MICAL2: variants seen among roughly 807,000 people sequenced by gnomAD.
MICAL2 encodes the protein [F-actin]-monooxygenase MICAL2.
Under a neutral mutation model 127.3 loss-of-function variants are expected in MICAL2, and 77 were observed. That is an observed-to-expected ratio of 0.60 (90% CI 0.50 to 0.73). The LOEUF (loss-of-function observed/expected upper bound fraction) is 0.73. Among genes scored for constraint, MICAL2 ranks in the 30% least tolerant of loss-of-function variants. The pLI is 0.00. For missense variants in MICAL2, 1,351 were observed against 1,434.4 expected, an observed-to-expected ratio of 0.94 and a Z score of 0.94; for synonymous variants, 570 against 551.1, an observed-to-expected ratio of 1.03 and a Z score of -0.48.
At chr11:12,283,805 CAG>C (rs1182845834) in intron 2 of MICAL2, among the ~76,000 whole-genome samples, 2 of 152,234 alleles carry the variant, frequency 1.3e-5, no homozygotes, top group Non-Finnish European at 2.9e-5. Context: ...TCAAAGTTCA[CAG>C]AGCGTGCCCA....
chr11:12,143,277 G>T (rs1372855147), intron 2 of MICAL2, among the ~76,000 whole-genome samples: 1 of 152,148 alleles, frequency 6.6e-6, no homozygotes, highest in Non-Finnish European at 1.5e-5. Flanking sequence ...GGAGTAGTGG[G>T]CATGCTTTTT....
chr11:12,134,501 A>C (rs191020605), intron 1 of MICAL2, among the ~76,000 whole-genome samples: 212 of 152,310 alleles, frequency 1.4e-3, no homozygotes, highest in African/African-American at 5.0e-3. Flanking sequence ...AGGGGCTTGC[A>C]GTGGCCTCCC....
At chr11:12,347,578 C>T (rs1475485296) in intron 32 of MICAL2, among the ~76,000 whole-genome samples, 1 of 152,150 alleles carries the variant, frequency 6.6e-6, no homozygotes, top group Non-Finnish European at 1.5e-5. Flanking sequence ...ATTGCATATA[C>T]AGTCCACCCT....
At chr11:12,358,347 G>A (rs1939160386) in exon 35 of MICAL2, 2 of 1,614,058 alleles carry the variant, frequency 1.2e-6, no homozygotes, top group Non-Finnish European at 8.5e-7. Context: ...TATTCACCGA[G>A]CTGATGCAAG....
At chr11:12,115,137 C>T (rs1849901732) in intron 1 of MICAL2, among the ~76,000 whole-genome samples, 1 of 152,222 alleles carries the variant, frequency 6.6e-6, no homozygotes, top group Non-Finnish European at 1.5e-5. Context: ...CACTATTCAT[C>T]CACAACTGGG....
rs887488085 is a variant in MICAL2 at position 12,216,203 on chromosome 11, A to C, written c.848-16A>C. On this transcript the variant is annotated splice_polypyrimidine_tract_variant and intron_variant, in intron 7 of 27. Transcript: ENST00000683283. ...CGAGGAAGTAACACTGAGCTTGTGA[A>C]TGCTTCTCTTTTCAGGCATAGATCT... 6.3e-7 allele frequency: 1 copy of C among 1,586,094 alleles called. No individual in the cohort carries two copies. The highest frequency in any genetic ancestry group is 1.3e-5 in the African/African-American group (1 of 74,310).
downstream of MICAL2, among the ~76,000 whole-genome samples, chr11:12,287,813 C>T (rs1190180765): frequency 1.3e-5 from 2 of 152,176 alleles, no homozygotes; most frequent in East Asian, 1.9e-4. Context: ...GACTGCAGCA[C>T]TCACTGAGCA....
chr11:12,243,898 C>T (rs1013374647), intron 20 of MICAL2, 89 bp from the exon 21 acceptor site: 2 of 1,495,626 alleles, frequency 1.3e-6, no homozygotes, highest in African/African-American at 2.8e-5. Context: ...TTCTTGAGTG[C>T]ACAGGCATGG....
intron 2 of MICAL2, among the ~76,000 whole-genome samples, chr11:12,155,030 A>C (rs1203570018): frequency 6.6e-6 from 1 of 152,166 alleles, no homozygotes; most frequent in Non-Finnish European, 1.5e-5. Context: ...TGGTGAAATG[A>C]GACAGGATGG....
upstream of MICAL2, among the ~76,000 whole-genome samples, chr11:12,273,361 GCCA>G (rs1191445143): frequency 6.6e-6 from 1 of 152,066 alleles, no homozygotes; most frequent in Non-Finnish European, 1.5e-5. Context: ...GACTAATGCT[GCCA>G]CCACCACCAC....
At chr11:12,325,209 A>C (rs565133477) in intron 31 of MICAL2, among the ~76,000 whole-genome samples, 1 of 152,276 alleles carries the variant, frequency 6.6e-6, no homozygotes, top group African/African-American at 2.4e-5. Flanking sequence ...TCCTAGGTTC[A>C]AGCGATTCTC....
At chr11:12,154,248 C>T (rs1273446705) in intron 2 of MICAL2, among the ~76,000 whole-genome samples, 1 of 152,040 alleles carries the variant, frequency 6.6e-6, no homozygotes, top group Non-Finnish European at 1.5e-5. Context: ...GCAGGATGAC[C>T]CTTTCTGTTT....
intron 18 of MICAL2, 180 bp from the exon 19 acceptor site, chr11:12,242,034 G>C (rs1860039233): frequency 1.8e-6 from 1 of 552,944 alleles, no homozygotes; most frequent in African/African-American, 1.9e-5. Flanking sequence ...TTGTGAATGA[G>C]GAGGCCAGAC....
rs562302548 is a variant in MICAL2 at position 12,317,558 on chromosome 11, C to T, written c.5213-2138C>T. Among the ~76,000 whole-genome samples, 7 of 152,144 alleles carry T rather than the reference C, an allele frequency of 4.6e-5. No homozygotes were observed. The South Asian group carries it at 1.5e-3, about 32-fold the overall frequency. On this transcript the variant is annotated intron_variant, in intron 29 of 34. Coordinates refer to the MICAL2 transcript ENST00000646065. Reference sequence around the variant, plus strand: ...CTATAATCCCAGCACTTTGGGAGGCCGAGGCAAGTTGATTACCTGAGATCA... The same window carrying T: ...CTATAATCCCAGCACTTTGGGAGGCTGAGGCAAGTTGATTACCTGAGATCA...
chr11:12,336,160 G>A (rs1257349079), intron 32 of MICAL2, among the ~76,000 whole-genome samples: 1 of 152,060 alleles, frequency 6.6e-6, no homozygotes, highest in Non-Finnish European at 1.5e-5. Flanking sequence ...CCTTGAAGAG[G>A]CCCTTCACAT....
chr11:12,244,628 G>A (rs1860449752), intron 21 of MICAL2, among the ~76,000 whole-genome samples: 1 of 152,176 alleles, frequency 6.6e-6, no homozygotes, highest in Admixed American at 6.5e-5. Context: ...AGATGGGGAG[G>A]TAATGCAGAG....
chr11:12,306,713 C>T (rs1434702496), intron 29 of MICAL2, among the ~76,000 whole-genome samples: 1 of 152,156 alleles, frequency 6.6e-6, no homozygotes, highest in Non-Finnish European at 1.5e-5. Flanking sequence ...AATCATACAG[C>T]ATGTTGTCTT....
chr11:12,209,425 A>T, intron 5 of MICAL2, 72 bp from the exon 6 acceptor site: 1 of 1,228,762 alleles, frequency 8.1e-7, no homozygotes. Context: ...TCTCATAGCC[A>T]CCACACGGGG....
downstream of MICAL2, chr11:12,294,194 G>T (rs756709063): frequency 2.5e-6 from 4 of 1,614,022 alleles, no homozygotes; most frequent in South Asian, 4.4e-5. Context: ...GACCCCTGCG[G>T]AACAAGCTCA....
Sources: gnomAD v4.1 joint callset for allele counts (sites outside exome capture counted in the v4.1 genomes callset) on GRCh38, gnomAD v4.1.1 for gene constraint, MANE v1.5 for transcripts, NCBI Gene and HGNC (gene_info 2026-07-23, HGNC 2026-07-21) for gene names.